Variants in TNKS observed in about 807,000 individuals in gnomAD.
TNKS encodes the protein tankyrase, also known as poly [ADP-ribose] polymerase tankyrase-1.
A neutral mutation model predicts 135.8 loss-of-function variants in TNKS; 72 were observed. The ratio of observed to expected loss-of-function variants is 0.53; its 90% CI spans 0.44 to 0.64. The LOEUF (loss-of-function observed/expected upper bound fraction) is 0.64, where lower values mean the gene tolerates loss of function less well. Ranked by LOEUF, TNKS falls within the 30% of genes least tolerant of loss-of-function variation. The pLI, the probability that TNKS is intolerant of heterozygous loss-of-function variation, is 0.00. For synonymous variants in TNKS, 849 were observed against 649.3 expected (o/e 1.31, Z -4.68); for missense variants, 1,769 against 1,674.0 (o/e 1.06, Z -0.99).
chr8:9,764,471 AAT>A (rs1401226435), intron 22 of TNKS, among the ~76,000 whole-genome samples: 12 of 152,128 alleles, frequency 7.9e-5, no homozygotes, highest in African/African-American at 1.9e-4. Context: ...TGTGTTTTTT[AAT>A]ATGTTTCCCC....
At chr8:9,649,630 C>T (rs952113698) in intron 3 of TNKS, among the ~76,000 whole-genome samples, 1 of 151,402 alleles carries the variant, frequency 6.6e-6, no homozygotes, top group African/African-American at 2.4e-5. Flanking sequence ...CCCCCTCTCA[C>T]CCTTCCCCCC....
Position 9,677,972 on chromosome 8 carries a change from G to C in TNKS, c.995-1979G>C, listed in dbSNP as rs146346386. On this transcript the variant is annotated intron_variant, in intron 3 of 26. Transcript: ENST00000310430. ...CTCAAGTTTCCCCTCTTCCAGGAAGGCTTCCTTGACCCCCAACTACCCTTC... is the reference window on the plus strand; with the variant it reads ...CTCAAGTTTCCCCTCTTCCAGGAAGCCTTCCTTGACCCCCAACTACCCTTC... 1.8e-3 allele frequency among the ~76,000 whole-genome samples: 281 copies of C among 152,134 alleles called. 1 individual carries two copies. The highest frequency in any genetic ancestry group is 6.3e-3 in the African/African-American group (263 of 41,494).
rs138900805 is a variant in TNKS, at chr8:9,624,854, A to G, written c.994+9177A>G. The stretch of plus-strand genomic sequence containing the variant: ...CCTATGGAGGCATATCCTCCCGTAT[A>G]CTTTAAATCAGCTTTAGTTATAATA... On this transcript the variant is annotated intron_variant, in intron 3 of 26. Transcript: ENST00000310430. Among the ~76,000 whole-genome samples, 172 of 152,270 alleles carry G rather than the reference A, an allele frequency of 1.1e-3. 2 individuals carry two copies. Among genetic ancestry groups the G allele is most frequent in the Admixed American group, 4.3e-3 (66 of 15,294 alleles).
chr8:9,768,661 G>A (rs931428975), intron 25 of TNKS, among the ~76,000 whole-genome samples: 4 of 152,356 alleles, frequency 2.6e-5, no homozygotes, highest in Non-Finnish European at 5.9e-5. Flanking sequence ...GCAGGAAGCA[G>A]AAGACCAGGG....
intron 3 of TNKS, chr8:9,671,231 A>C (rs1366196643): frequency 6.6e-6 from 1 of 152,198 alleles, no homozygotes; most frequent in Non-Finnish European, 1.5e-5. Flanking sequence ...GATATAACCC[A>C]GCAACCCCAC....
At chr8:9,571,042 G>A (rs974431222) in intron 1 of TNKS, among the ~76,000 whole-genome samples, 5 of 151,958 alleles carry the variant, frequency 3.3e-5, no homozygotes, top group African/African-American at 4.8e-5. Context: ...TACATTCGGG[G>A]GCATTTTGCT....
chr8:9,559,001 G>C (rs1455780174), intron 1 of TNKS, among the ~76,000 whole-genome samples: 1 of 152,162 alleles, frequency 6.6e-6, no homozygotes, highest in African/African-American at 2.4e-5. Context: ...TTAAAGATGA[G>C]AAATTGGTAC....
chr8:9,638,842 G>A (rs1350582195), intron 3 of TNKS, among the ~76,000 whole-genome samples: 9 of 152,106 alleles, frequency 5.9e-5, no homozygotes, highest in African/African-American at 2.2e-4. Flanking sequence ...TGAATACAAA[G>A]CTCTACAGGA....
intron 3 of TNKS, among the ~76,000 whole-genome samples, chr8:9,646,607 G>T (rs564293093): frequency 6.6e-6 from 1 of 152,084 alleles, no homozygotes; most frequent in African/African-American, 2.4e-5. Context: ...ATGTATTAAG[G>T]TTTATTATCA....
At chr8:9,596,817 T>G (rs10105767) in intron 2 of TNKS, among the ~76,000 whole-genome samples, 13,062 of 152,260 alleles carry the variant, frequency 0.086, 626 homozygotes, top group South Asian at 0.17. Flanking sequence ...AGTGCTGGTC[T>G]TTTGAAAGAA....
intron 2 of TNKS, among the ~76,000 whole-genome samples, chr8:9,606,147 A>G (rs1271880656): frequency 3.7e-5 from 2 of 54,382 alleles, no homozygotes; most frequent in African/African-American, 1.0e-4. Context: ...GGTAAGAGTT[A>G]TTTTGTGTTT....
chr8:9,651,461 G>C (rs916502939), intron 3 of TNKS, among the ~76,000 whole-genome samples: 6 of 152,170 alleles, frequency 3.9e-5, no homozygotes, highest in Admixed American at 6.5e-5. Flanking sequence ...TGCCTCAAGG[G>C]AGGACACACC....
intron 2 of TNKS, among the ~76,000 whole-genome samples, chr8:9,596,277 CAT>C (rs1473943272): frequency 2.6e-5 from 4 of 152,094 alleles, no homozygotes; most frequent in Non-Finnish European, 4.4e-5. Context: ...ATCTGAAACT[CAT>C]ATATTATTAG....
intron 5 of TNKS, among the ~76,000 whole-genome samples, chr8:9,686,412 A>G (rs1361840670): frequency 2.0e-5 from 3 of 152,212 alleles, no homozygotes; most frequent in Non-Finnish European, 2.9e-5. Context: ...ACCGTAGCTC[A>G]TACCACATAG....
At chr8:9,693,851 C>T (rs542425313) in intron 5 of TNKS, among the ~76,000 whole-genome samples, 9 of 152,110 alleles carry the variant, frequency 5.9e-5, no homozygotes, top group Non-Finnish European at 8.8e-5. Flanking sequence ...CTGGACAGAT[C>T]CAGAAACAAA....
chr8:9,717,103 T>TATATATATATATA lies in TNKS; in HGVS notation c.1750-3271_1750-3270insATATATATATATA, dbSNP rs1554476739. On this transcript the variant is annotated intron_variant, in intron 11 of 26. Transcript: ENST00000310430. ...TATATATATATATATATATATATAT[T>TATATATATATATA]TTCAGGGAATTTGATTGTTTCTTTT... 7.4e-3 allele frequency among the ~76,000 whole-genome samples: 292 copies of TATATATATATATA among 39,220 alleles called. 13 individuals are homozygous for TATATATATATATA. The highest frequency in any genetic ancestry group is 0.021 in the South Asian group (25 of 1,184). The allele number at this position is 39,220 out of a possible 152,430, so 25.7% of individuals were successfully genotyped here.
intron 3 of TNKS, among the ~76,000 whole-genome samples, chr8:9,676,686 C>CTCTCTGTGTGTGTGTG (rs1554467464): frequency 1.2e-4 from 17 of 147,784 alleles, no homozygotes; most frequent in African/African-American, 3.5e-4. Flanking sequence ...CTCTCTCTCT[C>CTCTCTGTGTGTGTGTG]TGTGTGTGTG....
intron 5 of TNKS, among the ~76,000 whole-genome samples, chr8:9,682,648 G>A (rs1324227679): frequency 6.6e-6 from 1 of 151,958 alleles, no homozygotes; most frequent in African/African-American, 2.4e-5. Flanking sequence ...CAGGACCAAG[G>A]CTGGCACTTT....
At chr8:9,720,275 TG>T in intron 11 of TNKS, 98 bp from the exon 12 acceptor site, 1 of 1,138,556 alleles carries the variant, frequency 8.8e-7, no homozygotes, top group South Asian at 2.0e-5. Context: ...TTAAAAGCTT[TG>T]AAAGTTGATT....
Sources: allele counts gnomAD v4.1 joint callset (sites outside exome capture counted in the v4.1 genomes callset), GRCh38; gene constraint gnomAD v4.1.1; transcripts MANE v1.5; gene names NCBI Gene and HGNC (gene_info 2026-07-23, HGNC 2026-07-21).